The following SGPL1 variants were observed in gnomAD, a reference collection of about 807,000 sequenced individuals.
SGPL1 encodes sphingosine-1-phosphate lyase 1.
SGPL1 carries 37 observed loss-of-function variants against 68.9 expected under a neutral mutation model. The ratio of observed to expected loss-of-function variants is 0.54; its 90% CI spans 0.41 to 0.71. The LOEUF (loss-of-function observed/expected upper bound fraction) is 0.71, where lower values mean the gene tolerates loss of function less well. Among genes scored for constraint, SGPL1 ranks in the 30% least tolerant of loss-of-function variants. SGPL1 has a pLI of 0.00. For synonymous variants in SGPL1, 236 were observed against 248.5 expected, an observed-to-expected ratio of 0.95 and a Z score of 0.47; for missense variants, 551 against 704.6, an observed-to-expected ratio of 0.78 and a Z score of 2.47.
At position 70,870,595 on chromosome 10, in the gene SGPL1, C is replaced by A. The variant is rs149710359; in HGVS notation, c.811-453C>A. On this transcript the variant is annotated intron_variant, in intron 9 of 14. Transcript: ENST00000373202. ...TGATAGTGATTATTTTTATGCCTCA[C>A]ATTTGTGTAGAGGAGTTTTCTAGTT... 6.1e-3 allele frequency among the ~76,000 whole-genome samples: 929 copies of A among 152,106 alleles called. 5 individuals carry two copies. Among genetic ancestry groups the A allele is most frequent in the African/African-American group, 0.021 (886 of 41,478 alleles).
intron 7 of SGPL1, among the ~76,000 whole-genome samples, chr10:70,860,672 A>T (rs1191977921): frequency 6.6e-6 from 1 of 152,202 alleles, no homozygotes; most frequent in Non-Finnish European, 1.5e-5. Context: ...GTGAATAGCC[A>T]CAGAACAGTT....
Position 70,816,818 on chromosome 10 carries a change from A to T in SGPL1, c.-36A>T, listed in dbSNP as rs775648939. The T allele has an allele frequency of 2.6e-4, 417 of 1,612,242 alleles. No individual in the cohort carries two copies. Among genetic ancestry groups the T allele is most frequent in the Non-Finnish European group, 2.0e-5 (23 of 1,178,412 alleles). On this transcript the variant is annotated 5_prime_UTR_variant, in exon 2 of 15. Transcript: ENST00000373202. Reference sequence around the variant, plus strand: ...CCTGGTTCCCTTTTACAGAGTCTGAAAAAGGGGAGCGCGGAGAGGAGGCTG... The same window carrying T: ...CCTGGTTCCCTTTTACAGAGTCTGATAAAGGGGAGCGCGGAGAGGAGGCTG...
intron 10 of SGPL1, 147 bp from the exon 11 acceptor site, chr10:70,871,690 T>G: frequency 1.5e-6 from 1 of 654,730 alleles, no homozygotes; most frequent in Non-Finnish European, 2.6e-6. Context: ...TTGTTGGGAA[T>G]GTTAAAAATA....
At chr10:70,852,279 T>C (rs79019914) in intron 4 of SGPL1, among the ~76,000 whole-genome samples, 10,639 of 152,292 alleles carry the variant, frequency 0.07, 487 homozygotes, top group African/African-American at 0.1. Context: ...TCCATTCAGA[T>C]CGCTGTGCTA....
chr10:70,837,158 A>ACC (rs949662110), intron 2 of SGPL1, among the ~76,000 whole-genome samples: 87 of 151,472 alleles, frequency 5.7e-4, no homozygotes, highest in African/African-American at 2.0e-3. Context: ...GCTCACTGCA[A>ACC]CCCCCGCCTC....
chr10:70,851,352 AT>A, intron 4 of SGPL1, 142 bp downstream of exon 4: 1 of 704,230 alleles, frequency 1.4e-6, no homozygotes. Flanking sequence ...ATTTGGAGAC[AT>A]TTTTGGTGGT....
In SGPL1 at chr10:70,880,598, A is replaced by T. The variant is rs551418599; in HGVS notation, c.*3263A>T. On this transcript the variant is annotated 3_prime_UTR_variant, in exon 15 of 15. Coordinates refer to ENST00000373202, the MANE Select transcript of SGPL1 (RefSeq NM_003901.4). Reference sequence around the variant, plus strand: ...AGCTCCTCAGATAATCTTCACACACATGTAACTGCTGGAGATCTTATTCTA... The same window carrying T: ...AGCTCCTCAGATAATCTTCACACACTTGTAACTGCTGGAGATCTTATTCTA... The T allele has an allele frequency of 8.5e-5, 13 of 152,354 alleles. No individual in the cohort carries two copies. The East Asian group carries it at 2.5e-3, about 29-fold the overall frequency. The allele number at this position is 152,354 out of a possible 1,614,324, so 9.4% of individuals were successfully genotyped here.
intron 6 of SGPL1, 25 bp from the exon 7 acceptor site, chr10:70,859,346 C>A: frequency 7.2e-7 from 1 of 1,391,860 alleles, no homozygotes. Context: ...GTTTTGATTT[C>A]ACATCTGCTT....
intron 2 of SGPL1, among the ~76,000 whole-genome samples, chr10:70,840,071 G>A (rs1845690945): frequency 6.6e-6 from 1 of 152,038 alleles, no homozygotes. Context: ...GTTATACATG[G>A]TACCATGTAT....
chr10:70,870,048 T>C, intron 9 of SGPL1, 151 bp downstream of exon 9: 1 of 563,918 alleles, frequency 1.8e-6, no homozygotes, highest in Non-Finnish European at 3.2e-6. Flanking sequence ...GGTGATTGAC[T>C]GCAGCTTCAG....
At chr10:70,833,016 C>A (rs148158590) in intron 2 of SGPL1, among the ~76,000 whole-genome samples, 45 of 152,290 alleles carry the variant, frequency 3.0e-4, no homozygotes, top group African/African-American at 1.1e-3. Context: ...TTGTCCTGAC[C>A]ACAAGTACAT....
chr10:70,870,262 C>T (rs987273581), intron 9 of SGPL1, among the ~76,000 whole-genome samples: 1 of 152,028 alleles, frequency 6.6e-6, no homozygotes, highest in African/African-American at 2.4e-5. Context: ...CTTTGGGAAG[C>T]CGAGGAGGGA....
intron 2 of SGPL1, among the ~76,000 whole-genome samples, chr10:70,843,304 G>A (rs1845745398): frequency 6.6e-6 from 1 of 152,090 alleles, no homozygotes; most frequent in Non-Finnish European, 1.5e-5. Flanking sequence ...TTGCATATTA[G>A]ATTGTAAACT....
At chr10:70,875,202 T>A (rs1287931573) in intron 12 of SGPL1, among the ~76,000 whole-genome samples, 200 bp from the exon 13 acceptor site, 1 of 152,180 alleles carries the variant, frequency 6.6e-6, no homozygotes, top group Non-Finnish European at 1.5e-5. Context: ...TTTTTATTGT[T>A]CCATCTATGA....
intron 3 of SGPL1, among the ~76,000 whole-genome samples, chr10:70,847,405 T>G (rs901286842): frequency 4.6e-5 from 7 of 152,150 alleles, no homozygotes; most frequent in Non-Finnish European, 1.0e-4. Context: ...CACCTCAACC[T>G]CCCAAAGTGC....
Position 70,869,781 on chromosome 10 carries a change from C to T in SGPL1, c.705-11C>T. ...CTGAGTTACATTATTCTCCTCTTCC[C>T]TGTCATTTAGTGTGGCTCCCCAAAG... On this transcript the variant is annotated splice_polypyrimidine_tract_variant and intron_variant, in intron 8 of 14. Transcript: ENST00000373202. 6.2e-7 allele frequency: 1 copy of T among 1,609,822 alleles called. No homozygotes were observed. Among genetic ancestry groups the T allele is most frequent in the Non-Finnish European group, 8.5e-7 (1 of 1,176,638 alleles).
At chr10:70,857,263 C>A in intron 5 of SGPL1, 1 of 223,600 alleles carries the variant, frequency 4.5e-6, no homozygotes. Flanking sequence ...CAGAAAAAGG[C>A]CACTCCAAAG....
intron 1 of SGPL1, among the ~76,000 whole-genome samples, 173 bp from the exon 2 acceptor site, chr10:70,816,638 A>G (rs1845236692): frequency 6.6e-6 from 1 of 152,150 alleles, no homozygotes; most frequent in Non-Finnish European, 1.5e-5. Flanking sequence ...TAGTTGCAGC[A>G]GGATTTTGAT....
At chr10:70,875,374 C>T in intron 12 of SGPL1, 28 bp from the exon 13 acceptor site, 2 of 1,474,984 alleles carry the variant, frequency 1.4e-6, no homozygotes, top group Non-Finnish European at 1.9e-6. Context: ...TTTACTTTTT[C>T]TTCCTTCATT....
Sources: allele counts gnomAD v4.1 joint callset (sites outside exome capture counted in the v4.1 genomes callset), GRCh38; gene constraint gnomAD v4.1.1; transcripts MANE v1.5; gene names NCBI Gene and HGNC (gene_info 2026-07-23, HGNC 2026-07-21).